Variants in CTRB2 observed in about 807,000 individuals in gnomAD.
CTRB2 encodes the protein chymotrypsinogen B2.
CTRB2 carries 9 observed loss-of-function variants against 19.3 expected under a neutral mutation model. The observed-to-expected ratio is 0.47, with a 90% CI of 0.28 to 0.81. CTRB2 has a LOEUF of 0.81. Among genes scored for constraint, CTRB2 ranks in the 40% least tolerant of loss-of-function variants. The probability of loss-of-function intolerance (pLI) is 0.11; values close to 1 mark genes in which losing one functional copy is unlikely to be tolerated. For missense variants in CTRB2, 210 were observed against 269.7 expected (o/e 0.78, Z 1.55); for synonymous variants, 98 against 117.3 (o/e 0.84, Z 1.06).
chr16:75,204,578 C>T (rs970331405), intron 6 of CTRB2, among the ~76,000 whole-genome samples, 195 bp downstream of exon 6: 11 of 152,162 alleles, frequency 7.2e-5, no homozygotes, highest in Admixed American at 4.6e-4. Context: ...CACAGGGCTG[C>T]AAGGAAGTCC....
chr16:75,206,251 G>A (rs2038890520), intron 1 of CTRB2, 58 bp from the exon 2 acceptor site: 1 of 1,495,880 alleles, frequency 6.7e-7, no homozygotes, highest in African/African-American at 1.4e-5. Context: ...TAATGCTCCA[G>A]CCTCCTCTCA....
At position 75,204,782 on chromosome 16, in the gene CTRB2, G is replaced by A. The variant is rs934376496; in HGVS notation, c.621C>T (p.Ser207=). 7.1e-6 allele frequency: 10 copies of A among 1,398,860 alleles called. No homozygotes were observed. Among genetic ancestry groups the A allele is most frequent in the African/African-American group, 5.9e-5 (4 of 68,310 alleles). 86.7% of individuals were successfully genotyped at this position (1,398,860 alleles called of 1,614,324 possible). The change falls in exon 6 of 7, where the codon TCC becomes TCT. Residue 207 remains serine (S), a synonymous_variant. Transcript: ENST00000303037. ...VMICAGASGV[S]SCMGDSGGPL... is the part of the protein sequence containing the mutation. The stretch of plus-strand genomic sequence containing the variant: ...GCAGGGCCAGCCTCACCATGCAGGA[G>A]GAGACGCCACTGGCCCCGGCACAGA...
intron 1 of CTRB2, 173 bp from the exon 2 acceptor site, chr16:75,206,366 A>G: frequency 3.0e-6 from 2 of 669,624 alleles, no homozygotes; most frequent in Non-Finnish European, 5.0e-6. Flanking sequence ...ATCCCCAGGT[A>G]CAACTGAGTC....
Position 75,207,082 on chromosome 16 carries a change from G to T in CTRB2, c.52+8C>A, listed in dbSNP as rs1275621348. The T allele has an allele frequency of 6.4e-7, 1 of 1,553,370 alleles. No homozygotes were observed. The highest frequency in any genetic ancestry group is 2.0e-5 in the Admixed American group (1 of 51,092). ...AACCCTTCGGCCTCCGCAGGGCCTG[G>T]CACTCACCGAAGGTGGTACCCAGGA... is the stretch of plus-strand genomic sequence containing the variant. On this transcript the variant is annotated splice_region_variant and intron_variant, in intron 1 of 6. Coordinates refer to ENST00000303037, the MANE Select transcript of CTRB2 (RefSeq NM_001025200.4).
intron 1 of CTRB2, chr16:75,206,746 C>T: frequency 2.5e-6 from 1 of 397,590 alleles, no homozygotes; most frequent in South Asian, 2.2e-5. Context: ...CCACCCAAAC[C>T]TGTGCTGGGG....
chr16:75,206,345 G>A (rs542332201), intron 1 of CTRB2, 152 bp from the exon 2 acceptor site: 37 of 772,402 alleles, frequency 4.8e-5, no homozygotes, highest in African/African-American at 1.7e-4. Context: ...TCTCCTCTCC[G>A]CAGAGCTGGA....
At position 75,204,617 on chromosome 16, in the gene CTRB2, G is replaced by A. The variant is rs1285915013; in HGVS notation, c.630+156C>T. The stretch of plus-strand genomic sequence containing the variant: ...GGGGCAGCCTCAGCTGCATGGCCTG[G>A]AGGAACCCTCATGGGCGGCTGTGAC... On this transcript the variant is annotated intron_variant, in intron 6 of 6. Coordinates refer to ENST00000303037, the MANE Select transcript of CTRB2 (RefSeq NM_001025200.4). 15 of 1,430,554 alleles carry A rather than the reference G, an allele frequency of 1.0e-5. No individual in the cohort carries two copies. In the East Asian group the frequency reaches 2.7e-4, roughly 26 times the overall value. The allele number at this position is 1,430,554 out of a possible 1,614,324, so 88.6% of individuals were successfully genotyped here.
intron 1 of CTRB2, 63 bp from the exon 2 acceptor site, chr16:75,206,256 C>T (rs1465928775): frequency 3.1e-5 from 46 of 1,475,858 alleles, no homozygotes; most frequent in Non-Finnish European, 4.2e-5. Context: ...CTCCAGCCTC[C>T]TCTCACTCCC....
At chr16:75,206,289 C>A in intron 1 of CTRB2, 96 bp from the exon 2 acceptor site, 2 of 1,298,250 alleles carry the variant, frequency 1.5e-6, no homozygotes, top group Non-Finnish European at 2.1e-6. Flanking sequence ...GTCTCTGGGA[C>A]CTAGACTGGC....
At chr16:75,204,378 G>T (rs917991080) in intron 6 of CTRB2, 56 bp from the exon 7 acceptor site, 42 of 1,541,920 alleles carry the variant, frequency 2.7e-5, no homozygotes, top group African/African-American at 4.1e-5. Context: ...GGGCCTAGGG[G>T]ACCCTGACCT....
chr16:75,206,327 G>T, intron 1 of CTRB2, 134 bp from the exon 2 acceptor site: 2 of 937,918 alleles, frequency 2.1e-6, no homozygotes, highest in Non-Finnish European at 1.6e-6. Context: ...TGAGAAGTTG[G>T]CCCTGGCTCT....
chr16:75,204,384 G>T (rs1289800281), intron 6 of CTRB2, 62 bp from the exon 7 acceptor site: 2 of 1,513,570 alleles, frequency 1.3e-6, no homozygotes, highest in Admixed American at 1.8e-5. Flanking sequence ...AGGGGACCCT[G>T]ACCTGGTGGA....
chr16:75,204,996 G>A, intron 5 of CTRB2, 90 bp from the exon 6 acceptor site: 2 of 424,992 alleles, frequency 4.7e-6, no homozygotes, highest in Non-Finnish European at 7.9e-6. Flanking sequence ...GCCCTACCCT[G>A]CACCATCACC....
rs1872552435 is a variant in CTRB2, at chr16:75,204,414, G to A, written c.631-92C>T. 4 of 1,285,134 alleles carry A rather than the reference G, an allele frequency of 3.1e-6. No individual in the cohort carries two copies. The African/African-American group carries it at 4.4e-5, about 14-fold the overall frequency. 79.6% of individuals were successfully genotyped at this position (1,285,134 alleles called of 1,614,324 possible). On this transcript the variant is annotated intron_variant, in intron 6 of 6. Transcript: ENST00000303037. ...GGTGGAGTCTAGGGAGGGGTGCGGA[G>A]AAATGGTAAGCATGGGCATAGGGGC...
chr16:75,204,371 C>G, intron 6 of CTRB2, 49 bp from the exon 7 acceptor site: 8 of 1,567,024 alleles, frequency 5.1e-6, no homozygotes, highest in Non-Finnish European at 7.0e-6. Context: ...GGTGCCAGGG[C>G]CTAGGGGACC....
rs751430556 is a variant in CTRB2, at chr16:75,204,169, C to A, written c.784G>T (p.Ala262Ser). The change falls in exon 7 of 7, where the codon GCC becomes TCC. Residue 262 changes from alanine to serine, a missense_variant. Transcript: ENST00000303037. ...LIPWVQKILA[A>S]N is the part of the protein sequence containing the mutation. ...TGGCAGGAGCTGCGGGCTCAGTTGG[C>A]GGCCAGGATCTTCTGCACCCAGGGT... is the stretch of plus-strand genomic sequence containing the variant. 2.5e-6 allele frequency: 4 copies of A among 1,614,062 alleles called. 1 individual carries two copies. In the South Asian group the frequency reaches 4.4e-5, roughly 18 times the overall value.
chr16:75,206,165 C>T lies in CTRB2; in HGVS notation c.81G>A (p.Val27=). 1.9e-6 allele frequency: 3 copies of T among 1,554,102 alleles called. No individual in the cohort carries two copies. The highest frequency in any genetic ancestry group is 2.6e-6 in the Non-Finnish European group (3 of 1,148,314). Residue 27 remains valine (V), a synonymous_variant, in exon 2 of 7, where the codon GTG becomes GTA. Transcript: ENST00000303037. ...FGCGVPAIHP[V]LSGLSRIVNG... The stretch of plus-strand genomic sequence containing the variant: ...TCACGATCCTGGACAGGCCGCTGAG[C>T]ACAGGGTGGATGGCGGGGACCCCGC...
At chr16:75,206,996 G>C in intron 1 of CTRB2, 94 bp downstream of exon 1, 2 of 1,225,512 alleles carry the variant, frequency 1.6e-6, no homozygotes, top group Non-Finnish European at 2.3e-6. Context: ...GTGCACAGCT[G>C]AACTGGGAGC....
intron 1 of CTRB2, chr16:75,206,590 A>C: frequency 3.2e-6 from 1 of 315,096 alleles, no homozygotes; most frequent in Non-Finnish European, 5.9e-6. Flanking sequence ...CTGACCTCAC[A>C]GGTTTGGTAG....
Sources: allele counts gnomAD v4.1 joint callset (sites outside exome capture counted in the v4.1 genomes callset), GRCh38; gene constraint gnomAD v4.1.1; transcripts MANE v1.5; gene names NCBI Gene and HGNC (gene_info 2026-07-23, HGNC 2026-07-21).